The following CEP55 variants were observed in gnomAD, a reference collection of about 807,000 sequenced individuals.
CEP55 encodes the protein centrosomal protein 55.
A neutral mutation model predicts 63.2 loss-of-function variants in CEP55; 57 were observed. That is an observed-to-expected ratio of 0.90 (90% confidence interval 0.73 to 1.13). The LOEUF (loss-of-function observed/expected upper bound fraction) is 1.13. CEP55 is among the 50% of genes most tolerant of loss of function. CEP55 has a pLI of 0.00. For missense variants in CEP55, 456 were observed against 518.9 expected (o/e 0.88, Z 1.18); for synonymous variants, 178 against 191.6 (o/e 0.93, Z 0.59).
chr10:93,520,044 G>A (rs768641571), intron 8 of CEP55: 22 of 531,934 alleles, frequency 4.1e-5, no homozygotes, highest in Non-Finnish European at 6.8e-6. Context: ...TGTGATGCTG[G>A]AGGCACTAAA....
chr10:93,521,135 A>T (rs1385529722), intron 8 of CEP55, among the ~76,000 whole-genome samples: 1 of 152,114 alleles, frequency 6.6e-6, no homozygotes, highest in Non-Finnish European at 1.5e-5. Flanking sequence ...CGTGAACCGA[A>T]GCAGGGTGAG....
chr10:93,526,003 A>G (rs2057917924), intron 8 of CEP55, among the ~76,000 whole-genome samples: 1 of 152,190 alleles, frequency 6.6e-6, no homozygotes, highest in South Asian at 2.1e-4. Flanking sequence ...AACCTAGGCA[A>G]TACCATTCAG....
chr10:93,518,796 G>T, intron 6 of CEP55, 81 bp from the exon 7 acceptor site: 1 of 905,084 alleles, frequency 1.1e-6, no homozygotes, highest in Non-Finnish European at 1.8e-6. Flanking sequence ...TGTGAGACTT[G>T]TGATGTGAGC....
intron 4 of CEP55, among the ~76,000 whole-genome samples, chr10:93,514,318 T>C (rs1041696638): frequency 6.6e-5 from 10 of 152,244 alleles, no homozygotes; most frequent in African/African-American, 2.2e-4. Context: ...ACTGTAAGTA[T>C]GAAACCCCTA....
chr10:93,499,375 C>G (rs914827586), intron 1 of CEP55, among the ~76,000 whole-genome samples: 14 of 152,088 alleles, frequency 9.2e-5, no homozygotes, highest in African/African-American at 2.9e-4. Flanking sequence ...AAGATATGTC[C>G]TTGATTGTGA....
intron 8 of CEP55, among the ~76,000 whole-genome samples, chr10:93,520,867 A>T (rs529648333): frequency 2.0e-5 from 3 of 152,282 alleles, no homozygotes; most frequent in African/African-American, 7.2e-5. Flanking sequence ...TATATAATTG[A>T]TTTTACCCAT....
At chr10:93,525,099 G>T (rs1181410546) in intron 8 of CEP55, among the ~76,000 whole-genome samples, 3 of 151,736 alleles carry the variant, frequency 2.0e-5, no homozygotes, top group African/African-American at 7.3e-5. Context: ...GGGCAATCAG[G>T]CAGGAGAAGG....
chr10:93,499,975 C>A, intron 1 of CEP55, 65 bp from the exon 2 acceptor site: 1 of 1,085,572 alleles, frequency 9.2e-7, no homozygotes, highest in African/African-American at 1.6e-5. Context: ...GTTATTAGAC[C>A]TGTTTCAAAC....
chr10:93,518,812 G>A (rs751320774), intron 6 of CEP55, 65 bp from the exon 7 acceptor site: 6 of 1,100,508 alleles, frequency 5.5e-6, no homozygotes, highest in South Asian at 2.8e-5. Context: ...TGAGCTTTCC[G>A]TGCATCCCAG....
At chr10:93,506,928 G>A in intron 3 of CEP55, 60 bp from the exon 4 acceptor site, 2 of 1,081,396 alleles carry the variant, frequency 1.8e-6, no homozygotes, top group South Asian at 1.2e-5. Context: ...TATGGTGAAT[G>A]TAATGAGGCA....
At chr10:93,515,665 G>A in intron 5 of CEP55, 110 bp downstream of exon 5, 1 of 1,125,106 alleles carries the variant, frequency 8.9e-7, no homozygotes. Context: ...TAAAATAAGA[G>A]CAAGTCTTAT....
At chr10:93,501,586 A>G (rs1174342267) in intron 2 of CEP55, among the ~76,000 whole-genome samples, 4 of 152,002 alleles carry the variant, frequency 2.6e-5, no homozygotes, top group Non-Finnish European at 5.9e-5. Context: ...GGAGAATCGC[A>G]TGAACCCAGG....
intron 8 of CEP55, among the ~76,000 whole-genome samples, chr10:93,525,422 C>A (rs1457000222): frequency 3.9e-5 from 6 of 152,220 alleles, no homozygotes; most frequent in Admixed American, 1.3e-4. Flanking sequence ...AACCACTGCT[C>A]AACAAAATAA....
At chr10:93,513,852 C>T (rs1400210559) in intron 4 of CEP55, among the ~76,000 whole-genome samples, 4 of 152,136 alleles carry the variant, frequency 2.6e-5, no homozygotes, top group Admixed American at 1.3e-4. Flanking sequence ...TGTGTGTCTG[C>T]TCCTTTTTAT....
intron 2 of CEP55, among the ~76,000 whole-genome samples, chr10:93,501,427 G>A (rs563402523): frequency 6.6e-6 from 1 of 152,162 alleles, no homozygotes; most frequent in Non-Finnish European, 1.5e-5. Flanking sequence ...GGTGGCTCAT[G>A]CCTATAATCC....
At position 93,506,975 on chromosome 10, in the gene CEP55, G is replaced by A. The variant is rs536278814; in HGVS notation, c.460-13G>A. The A allele has an allele frequency of 1.3e-6, 2 of 1,522,720 alleles. No homozygotes were observed. The highest frequency in any genetic ancestry group is 1.8e-6 in the Non-Finnish European group (2 of 1,096,992). 94.3% of individuals were successfully genotyped at this position (1,522,720 alleles called of 1,614,324 possible). A position where few individuals can be genotyped will look rare whatever the true frequency, so the allele number is the denominator to read the frequency against. ...GGAATGTCTGATGTTAACTAATGTT[G>A]GATTATTTACAGACTGTGGCTCCAA... On this transcript the variant is annotated splice_polypyrimidine_tract_variant and intron_variant, in intron 3 of 8. Coordinates refer to ENST00000371485, the MANE Select transcript of CEP55 (RefSeq NM_018131.5).
In CEP55 at chr10:93,524,370, C is replaced by T. The variant is rs1054598227; in HGVS notation, c.1192-3580C>T. Reference sequence around the variant, plus strand: ...TGGATAAATTCCTCGACACATACACCCTCCCAAGACTAAACCAGGAAGAAG... The same window carrying T: ...TGGATAAATTCCTCGACACATACACTCTCCCAAGACTAAACCAGGAAGAAG... On this transcript the variant is annotated intron_variant, in intron 8 of 8. Transcript: ENST00000371485. Among the ~76,000 whole-genome samples the T allele has an allele frequency of 1.2e-4, 18 of 152,026 alleles. 1 individual carries two copies. The highest frequency in any genetic ancestry group is 2.9e-4 in the African/African-American group (12 of 41,448).
intron 8 of CEP55, 101 bp from the exon 9 acceptor site, chr10:93,527,849 C>G: frequency 1.0e-6 from 1 of 989,958 alleles, no homozygotes; most frequent in Admixed American, 2.5e-5. Context: ...CCACTACACT[C>G]TGGCCTGGGT....
chr10:93,522,872 A>G (rs2057878596), intron 8 of CEP55, among the ~76,000 whole-genome samples: 1 of 152,252 alleles, frequency 6.6e-6, no homozygotes. Flanking sequence ...AAAATCCTTT[A>G]CAGACAAGCA....
Sources: gnomAD v4.1 joint callset for allele counts (sites outside exome capture counted in the v4.1 genomes callset) on GRCh38, gnomAD v4.1.1 for gene constraint, MANE v1.5 for transcripts, NCBI Gene and HGNC (gene_info 2026-07-23, HGNC 2026-07-21) for gene names.